The following TASP1 variants were observed in gnomAD, a reference collection of about 807,000 sequenced individuals.
TASP1 encodes the protein threonine aspartase 1.
Under a neutral mutation model 56.6 loss-of-function variants are expected in TASP1, and 16 were observed. The ratio of observed to expected loss-of-function variants is 0.28; its 90% CI spans 0.19 to 0.43. The LOEUF (loss-of-function observed/expected upper bound fraction) is 0.43. TASP1 is among the 20% of genes least tolerant of loss of function. TASP1 has a pLI of 1.00. For missense variants in TASP1, 393 were observed against 511.6 expected, an observed-to-expected ratio of 0.77 and a Z score of 2.24; for synonymous variants, 179 against 184.2, an observed-to-expected ratio of 0.97 and a Z score of 0.23.
intron 11 of TASP1, among the ~76,000 whole-genome samples, chr20:13,469,094 C>T (rs60673414): frequency 0.016 from 2,387 of 152,120 alleles, 66 homozygotes; most frequent in African/African-American, 0.051. Flanking sequence ...TTTAACGTAA[C>T]GCAAGATTGT....
chr20:13,314,902 A>T, the TASP1 span, among the ~76,000 whole-genome samples: 4 of 152,228 alleles, frequency 2.6e-5, no homozygotes, highest in South Asian at 8.3e-4. Flanking sequence ...GATGAGATGG[A>T]AGAATTAGAA....
the TASP1 span, among the ~76,000 whole-genome samples, chr20:13,193,238 T>A: frequency 6.6e-6 from 1 of 152,106 alleles, no homozygotes; most frequent in Non-Finnish European, 1.5e-5. Context: ...ACATGACAGC[T>A]GTTAATGTGA....
At chr20:13,391,605 T>C (rs1228849815) in intron 13 of TASP1, among the ~76,000 whole-genome samples, 1 of 150,410 alleles carries the variant, frequency 6.6e-6, no homozygotes, top group Non-Finnish European at 1.5e-5. Flanking sequence ...GGGCATCAAA[T>C]CATATAAACA....
intron 10 of TASP1, among the ~76,000 whole-genome samples, chr20:13,491,993 T>C (rs1040711808): frequency 6.6e-6 from 1 of 152,188 alleles, no homozygotes; most frequent in African/African-American, 2.4e-5. Flanking sequence ...CTGTGCAGAC[T>C]TTTTGTCTTC....
intron 4 of TASP1, among the ~76,000 whole-genome samples, chr20:13,602,226 A>G (rs569133116): frequency 6.6e-6 from 1 of 152,200 alleles, no homozygotes; most frequent in African/African-American, 2.4e-5. Flanking sequence ...ACAAATCTCA[A>G]TTAAAGGAAA....
the TASP1 span, among the ~76,000 whole-genome samples, chr20:13,311,255 A>AGATGATAGATT: frequency 7.5e-6 from 1 of 132,510 alleles, no homozygotes; most frequent in Non-Finnish European, 1.6e-5. Flanking sequence ...ATAGATAGAT[A>AGATGATAGATT]GATAGATAGA....
intron 12 of TASP1, among the ~76,000 whole-genome samples, chr20:13,423,613 T>C (rs931455285): frequency 3.3e-5 from 5 of 152,226 alleles, no homozygotes; most frequent in Non-Finnish European, 7.3e-5. Flanking sequence ...TGTATGAACA[T>C]GCTTGTAAGT....
the TASP1 span, among the ~76,000 whole-genome samples, chr20:13,115,189 G>A: frequency 6.6e-6 from 1 of 152,118 alleles, no homozygotes; most frequent in Non-Finnish European, 1.5e-5. Context: ...TTTTATGCAT[G>A]CGCTAGACTC....
chr20:13,431,844 A>G (rs2042820107), intron 12 of TASP1, among the ~76,000 whole-genome samples: 1 of 151,984 alleles, frequency 6.6e-6, no homozygotes, highest in African/African-American at 2.4e-5. Context: ...ATGAAGAGAG[A>G]CCTGAGCTAG....
intron 13 of TASP1, among the ~76,000 whole-genome samples, chr20:13,406,921 C>T (rs2041947404): frequency 6.6e-6 from 1 of 152,194 alleles, no homozygotes; most frequent in African/African-American, 2.4e-5. Flanking sequence ...CCGCCTTGGC[C>T]TCCCAAAGTG....
At chr20:13,365,833 G>A in the TASP1 span, among the ~76,000 whole-genome samples, 1 of 152,186 alleles carries the variant, frequency 6.6e-6, no homozygotes, top group Admixed American at 6.5e-5. Flanking sequence ...TCTGGCTGTG[G>A]GGAGGAGAAC....
chr20:13,321,253 T>TAAAGAAAAAAAAAAAAAA, the TASP1 span, among the ~76,000 whole-genome samples: 1 of 57,522 alleles, frequency 1.7e-5, no homozygotes, highest in Non-Finnish European at 3.2e-5. Context: ...GTGCCCCACA[T>TAAAGAAAAAAAAAAAAAA]AAAAAAAAAA....
At chr20:13,196,526 G>C in the TASP1 span, among the ~76,000 whole-genome samples, 1 of 152,052 alleles carries the variant, frequency 6.6e-6, no homozygotes, top group Non-Finnish European at 1.5e-5. Context: ...ATGTAAAACT[G>C]CACTGTCCAG....
chr20:13,275,723 C>G, the TASP1 span, among the ~76,000 whole-genome samples: 4 of 152,208 alleles, frequency 2.6e-5, no homozygotes, highest in South Asian at 8.3e-4. Flanking sequence ...AGCACAGGGC[C>G]CAGTATAGGA....
chr20:13,582,091 T>C (rs1018481171), intron 5 of TASP1, among the ~76,000 whole-genome samples: 6 of 134,036 alleles, frequency 4.5e-5, no homozygotes, highest in Non-Finnish European at 8.0e-5. Flanking sequence ...TGTAGCTCAA[T>C]ACCAAATCTT....
chr20:13,529,246 T>C (rs1186162232), intron 9 of TASP1, among the ~76,000 whole-genome samples: 1 of 152,226 alleles, frequency 6.6e-6, no homozygotes, highest in Non-Finnish European at 1.5e-5. Context: ...TAAGCTACTA[T>C]GGTTTTATAA....
intron 4 of TASP1, among the ~76,000 whole-genome samples, chr20:13,604,820 A>G (rs981220075): frequency 2.0e-5 from 3 of 151,930 alleles, no homozygotes; most frequent in Admixed American, 6.5e-5. Context: ...AATGAATTAT[A>G]TATGTTGCTA....
intron 10 of TASP1, among the ~76,000 whole-genome samples, chr20:13,516,890 T>C (rs2044559380): frequency 6.6e-6 from 1 of 152,048 alleles, no homozygotes; most frequent in African/African-American, 2.4e-5. Flanking sequence ...TCAGCTCTTC[T>C]AGAGGTTAGG....
the TASP1 span, among the ~76,000 whole-genome samples, chr20:13,334,003 A>C: frequency 6.6e-6 from 1 of 152,236 alleles, no homozygotes; most frequent in Non-Finnish European, 1.5e-5. Flanking sequence ...CAGATGCATA[A>C]TTTCAAAATT....
Sources: allele counts gnomAD v4.1 joint callset (sites outside exome capture counted in the v4.1 genomes callset), GRCh38; gene constraint gnomAD v4.1.1; transcripts MANE v1.5; gene names NCBI Gene and HGNC (gene_info 2026-07-23, HGNC 2026-07-21).